Variants in IQCM observed in about 807,000 individuals in gnomAD.
IQCM encodes the protein IQ motif containing M.
Under a neutral mutation model 57.6 loss-of-function variants are expected in IQCM, and 45 were observed. That is an observed-to-expected ratio of 0.78 (90% CI 0.62 to 1.00). IQCM has a LOEUF of 1.00. Ranked by LOEUF, IQCM falls within the 50% of genes least tolerant of loss-of-function variation. The probability of loss-of-function intolerance (pLI) is 0.00; values close to 1 mark genes in which losing one functional copy is unlikely to be tolerated. For synonymous variants in IQCM, 148 were observed against 158.9 expected, an observed-to-expected ratio of 0.93 and a Z score of 0.51; for missense variants, 468 against 511.6, an observed-to-expected ratio of 0.91 and a Z score of 0.82.
intron 5 of IQCM, among the ~76,000 whole-genome samples, chr4:149,698,053 G>A (rs1362732514): frequency 1.3e-5 from 2 of 151,934 alleles, no homozygotes; most frequent in South Asian, 2.1e-4. Context: ...GTAAGGAAGG[G>A]GAATAAAGAC....
chr4:149,751,019 A>G (rs1350819513), intron 2 of IQCM, among the ~76,000 whole-genome samples: 1 of 152,184 alleles, frequency 6.6e-6, no homozygotes, highest in African/African-American at 2.4e-5. Flanking sequence ...GCTAATATTT[A>G]CAAGGTCTGA....
chr4:149,737,811 G>A (rs925873395), intron 3 of IQCM: 4 of 152,216 alleles, frequency 2.6e-5, no homozygotes. Context: ...AAGCCAGCAA[G>A]CTATTCCTAG....
At chr4:149,756,819 T>A (rs1391852495) in intron 2 of IQCM, among the ~76,000 whole-genome samples, 1 of 152,158 alleles carries the variant, frequency 6.6e-6, no homozygotes, top group Non-Finnish European at 1.5e-5. Flanking sequence ...ATAAATAGAC[T>A]GAGCAACGTT....
Position 149,534,835 on chromosome 4 carries a change from C to T in IQCM, c.1228+13620G>A, listed in dbSNP as rs372429585. On this transcript the variant is annotated intron_variant, in intron 12 of 13. Transcript: ENST00000636793. ...TGAAACTCTTATGGACCAATCATGG[C>T]TCTAGAGGTAACCTTTTTAAAAAAA... Among the ~76,000 whole-genome samples, 4 of 152,172 alleles carry T rather than the reference C, an allele frequency of 2.6e-5. No homozygotes were observed. In the South Asian group the frequency reaches 8.3e-4, roughly 32 times the overall value.
intron 12 of IQCM, among the ~76,000 whole-genome samples, chr4:149,494,441 G>C (rs984335560): frequency 2.6e-5 from 4 of 152,044 alleles, no homozygotes; most frequent in African/African-American, 9.7e-5. Context: ...TAATGAGATT[G>C]TACTTTTAAT....
At chr4:149,815,127 A>G (rs2150074955) in intron 2 of IQCM, among the ~76,000 whole-genome samples, 184 bp downstream of exon 2, 1 of 152,082 alleles carries the variant, frequency 6.6e-6, no homozygotes, top group South Asian at 2.1e-4. Flanking sequence ...ATTTGGCAAA[A>G]TCATTTAGCC....
chr4:149,802,233 G>T (rs556894427), intron 2 of IQCM, among the ~76,000 whole-genome samples: 1 of 150,106 alleles, frequency 6.7e-6, no homozygotes, highest in African/African-American at 2.4e-5. Context: ...TGTGAAAGAG[G>T]GAAAAAAAAA....
At chr4:149,441,951 T>C (rs1466923666) in intron 12 of IQCM, among the ~76,000 whole-genome samples, 1 of 152,112 alleles carries the variant, frequency 6.6e-6, no homozygotes, top group African/African-American at 2.4e-5. Flanking sequence ...CCTTCCACCA[T>C]GTAATCATAG....
At chr4:149,468,116 G>T (rs570528998) in intron 12 of IQCM, among the ~76,000 whole-genome samples, 1 of 152,172 alleles carries the variant, frequency 6.6e-6, no homozygotes, top group South Asian at 2.1e-4. Context: ...AAACTGAGGT[G>T]CTGGGTTCAA....
intron 12 of IQCM, among the ~76,000 whole-genome samples, chr4:149,478,730 A>G (rs1045391437): frequency 6.6e-6 from 1 of 152,158 alleles, no homozygotes; most frequent in African/African-American, 2.4e-5. Flanking sequence ...ACGATCCTGT[A>G]CATGAGAATC....
chr4:149,470,845 G>T (rs527421776), intron 12 of IQCM, among the ~76,000 whole-genome samples: 3 of 152,278 alleles, frequency 2.0e-5, no homozygotes, highest in African/African-American at 7.2e-5. Context: ...CATGGAAACT[G>T]AACAACTTAC....
chr4:149,581,992 T>C lies in IQCM; in HGVS notation c.749+5938A>G, dbSNP rs565154322. Reference sequence around the variant, plus strand: ...GGAGGTTTGGTGGGGAATTGTTTGTTGCTTTTGTTTTTGTTTTTTATTTTT... The same window carrying C: ...GGAGGTTTGGTGGGGAATTGTTTGTCGCTTTTGTTTTTGTTTTTTATTTTT... On this transcript the variant is annotated intron_variant, in intron 9 of 13. Coordinates refer to ENST00000636793, the MANE Select transcript of IQCM (RefSeq NM_001363507.2). Among the ~76,000 whole-genome samples the C allele has an allele frequency of 9.2e-5, 14 of 151,700 alleles. No homozygotes were observed. The Middle Eastern group carries it at 0.014, about 147-fold the overall frequency.
intron 12 of IQCM, among the ~76,000 whole-genome samples, chr4:149,467,846 TG>T (rs1739026446): frequency 6.6e-6 from 1 of 152,194 alleles, no homozygotes; most frequent in Non-Finnish European, 1.5e-5. Context: ...CTAGTGTTGC[TG>T]CCTCCCATTG....
At chr4:149,693,167 G>A (rs900194289) in intron 5 of IQCM, among the ~76,000 whole-genome samples, 2 of 152,074 alleles carry the variant, frequency 1.3e-5, no homozygotes, top group African/African-American at 4.8e-5. Context: ...ATTCACTTCT[G>A]ACAATTTTGC....
chr4:149,661,293 G>T (rs1366318865), intron 7 of IQCM, among the ~76,000 whole-genome samples: 2 of 152,202 alleles, frequency 1.3e-5, no homozygotes, highest in East Asian at 3.9e-4. Flanking sequence ...ATCCTTGCAT[G>T]CCTGGGATAA....
chr4:149,783,055 A>C (rs1771753217), intron 2 of IQCM, among the ~76,000 whole-genome samples: 1 of 152,084 alleles, frequency 6.6e-6, no homozygotes, highest in South Asian at 2.1e-4. Context: ...ATCTTGTCTG[A>C]TGGTTCTTAA....
intron 8 of IQCM, among the ~76,000 whole-genome samples, chr4:149,604,736 G>A (rs939414659): frequency 2.6e-5 from 4 of 152,160 alleles, no homozygotes; most frequent in African/African-American, 9.7e-5. Flanking sequence ...AGTCAAGTGA[G>A]ACATGTTCAG....
At chr4:149,812,643 T>C (rs1774689740) in intron 2 of IQCM, among the ~76,000 whole-genome samples, 1 of 152,104 alleles carries the variant, frequency 6.6e-6, no homozygotes, top group African/African-American at 2.4e-5. Context: ...TACAATGCTA[T>C]CATATCATTA....
At chr4:149,447,186 A>C (rs1736607256) in intron 12 of IQCM, among the ~76,000 whole-genome samples, 1 of 151,630 alleles carries the variant, frequency 6.6e-6, no homozygotes, top group Non-Finnish European at 1.5e-5. Flanking sequence ...GTAGGTTTGT[A>C]AGAAATTTCT....
Sources: allele counts gnomAD v4.1 joint callset (sites outside exome capture counted in the v4.1 genomes callset), GRCh38; gene constraint gnomAD v4.1.1; transcripts MANE v1.5; gene names NCBI Gene and HGNC (gene_info 2026-07-23, HGNC 2026-07-21).